NKD1: variants seen among roughly 807,000 people sequenced by gnomAD.
NKD1 encodes NKD inhibitor of Wnt signaling pathway 1, also known as protein naked cuticle homolog 1.
In NKD1, 21 loss-of-function variants were observed where a neutral mutation model predicts 56.0. The observed-to-expected ratio is 0.38, with a 90% confidence interval of 0.27 to 0.54. NKD1 has a LOEUF of 0.54. Among genes scored for constraint, NKD1 ranks in the 20% least tolerant of loss-of-function variants. The pLI is 0.82. For missense variants in NKD1, 578 were observed against 642.7 expected (o/e 0.90, Z 1.09); for synonymous variants, 263 against 265.7 (o/e 0.99, Z 0.10).
Position 50,640,937 on chromosome 16 carries a change from A to G in NKD1, c.*7156A>G, listed in dbSNP as rs1273338903. On this transcript the variant is annotated 3_prime_UTR_variant, in exon 10 of 10. Transcript: ENST00000268459. The stretch of plus-strand genomic sequence containing the variant: ...AGTTTGGTCAGCCACACATTGTAGT[A>G]GGGCTAGAATTTTTCTTCCCATTTT... 1.3e-5 allele frequency: 2 copies of G among 152,176 alleles called. No homozygotes were observed. The highest frequency in any genetic ancestry group is 6.5e-5 in the Admixed American group (1 of 15,284). The allele number at this position is 152,176 out of a possible 1,614,324, so 9.4% of individuals were successfully genotyped here.
At chr16:50,580,957 A>G (rs1460862963) in intron 3 of NKD1, among the ~76,000 whole-genome samples, 1 of 152,232 alleles carries the variant, frequency 6.6e-6, no homozygotes, top group African/African-American at 2.4e-5. Context: ...ATAGGAAACA[A>G]TTGCTATCAA....
At chr16:50,626,905 A>C (rs952155640) in intron 6 of NKD1, among the ~76,000 whole-genome samples, 1 of 152,132 alleles carries the variant, frequency 6.6e-6, no homozygotes. Flanking sequence ...CCAGAGAGAC[A>C]CTAAAGCTTT....
intron 4 of NKD1, 150 bp from the exon 5 acceptor site, chr16:50,621,452 T>G: frequency 1.7e-6 from 1 of 583,298 alleles, no homozygotes; most frequent in Non-Finnish European, 3.0e-6. Context: ...AGTAGTGTGA[T>G]GTTGACCCCA....
intron 3 of NKD1, among the ~76,000 whole-genome samples, chr16:50,577,367 CTTAA>C (rs1961014276): frequency 6.6e-6 from 1 of 152,042 alleles, no homozygotes; most frequent in Non-Finnish European, 1.5e-5. Flanking sequence ...CAAAGCTATG[CTTAA>C]TTAATATATA....
rs1962702895 is a variant in NKD1, at chr16:50,647,443, T to A, written c.*13662T>A. 1 of 152,114 alleles carries A rather than the reference T, an allele frequency of 6.6e-6. No homozygotes were observed. Among genetic ancestry groups the A allele is most frequent in the Non-Finnish European group, 1.5e-5 (1 of 68,030 alleles). The allele number at this position is 152,114 out of a possible 1,614,324, so 9.4% of individuals were successfully genotyped here. On this transcript the variant is annotated 3_prime_UTR_variant, in exon 10 of 10. Transcript: ENST00000268459. ...AGCCACCCAGCATCTGTACTTTAGT[T>A]ATTTGGTTTTTCTCAGGAGGAGATC...
At chr16:50,588,051 A>C (rs560204558) in intron 3 of NKD1, among the ~76,000 whole-genome samples, 4 of 152,188 alleles carry the variant, frequency 2.6e-5, no homozygotes, top group Non-Finnish European at 4.4e-5. Context: ...CCTAGTGCAG[A>C]TGTCCTCAGG....
chr16:50,603,576 G>A (rs1042008086), intron 3 of NKD1, among the ~76,000 whole-genome samples: 7 of 152,356 alleles, frequency 4.6e-5, no homozygotes, highest in Admixed American at 2.0e-4. Flanking sequence ...TTTGAAACCC[G>A]TGGCACCAAC....
rs139973173 is a variant in NKD1 at position 50,631,281 on chromosome 16, G to A, written c.695+371G>A. Reference sequence around the variant, plus strand: ...CCTTTAGGGTGGGCCTGGCTGCCACGTGGGTTATGAAAACTCTTAGTTTTC... The same window carrying A: ...CCTTTAGGGTGGGCCTGGCTGCCACATGGGTTATGAAAACTCTTAGTTTTC... On this transcript the variant is annotated intron_variant, in intron 8 of 9. Coordinates refer to ENST00000268459, the MANE Select transcript of NKD1 (RefSeq NM_033119.5). Among the ~76,000 whole-genome samples, 103 of 152,256 alleles carry A rather than the reference G, an allele frequency of 6.8e-4. 1 individual carries two copies. The highest frequency in any genetic ancestry group is 1.9e-3 in the African/African-American group (78 of 41,546).
Position 50,630,233 on chromosome 16 carries a change from T to C in NKD1, c.510T>C (p.Ser170=). ...CCATCTATGAGGTGGTGGACTCCTCTGTCAACCACTCCCCAACATCCAGCA... is the reference window on the plus strand; with the variant it reads ...CCATCTATGAGGTGGTGGACTCCTCCGTCAACCACTCCCCAACATCCAGCA... ...LHTIYEVVDS[S]VNHSPTSSKM... is the part of the protein sequence containing the mutation. Residue 170 remains serine (S), a synonymous_variant, in exon 7 of 10, where the codon TCT becomes TCC. Transcript: ENST00000268459. 6.2e-7 allele frequency: 1 copy of C among 1,613,878 alleles called. No individual in the cohort carries two copies. Among genetic ancestry groups the C allele is most frequent in the Non-Finnish European group, 8.5e-7 (1 of 1,179,764 alleles).
chr16:50,612,082 G>A (rs1961860010), intron 4 of NKD1, among the ~76,000 whole-genome samples: 1 of 152,212 alleles, frequency 6.6e-6, no homozygotes, highest in South Asian at 2.1e-4. Flanking sequence ...AGTAGGGTCT[G>A]GCATGCTGTA....
rs1045115879 is a variant in NKD1 at position 50,548,722 on chromosome 16, G to A, written c.31G>A (p.Val11Met). The A allele has an allele frequency of 2.8e-6, 4 of 1,453,186 alleles. No individual in the cohort carries two copies. Among genetic ancestry groups the A allele is most frequent in the Non-Finnish European group, 3.6e-6 (4 of 1,112,324 alleles). 90.0% of individuals were successfully genotyped at this position (1,453,186 alleles called of 1,614,324 possible). A position where few individuals can be genotyped will look rare whatever the true frequency, so the allele number is the denominator to read the frequency against. Residue 11 changes from valine (V) to methionine (M), a missense_variant, in exon 2 of 10, where the codon GTG (valine) becomes ATG (methionine). Coordinates refer to ENST00000268459, the MANE Select transcript of NKD1 (RefSeq NM_033119.5). MGKLHSKPAA[V>M]CKRRESPEGD... ...GCCTCGCGATGTGCCTGCAGCCGCCGTGTGCAAGCGCAGGGAGAGCCCGGA... is the reference window on the plus strand; with the variant it reads ...GCCTCGCGATGTGCCTGCAGCCGCCATGTGCAAGCGCAGGGAGAGCCCGGA...
At position 50,598,696 on chromosome 16, in the gene NKD1, A is replaced by G. The variant is rs1961529935; in HGVS notation, c.193-9598A>G. ...CACAGGCCCTCGGGCCTCTCCTCTT[A>G]TCAGCACTCGGCTGTGTGGCGTGGC... On this transcript the variant is annotated intron_variant, in intron 3 of 9. Coordinates refer to ENST00000268459, the MANE Select transcript of NKD1 (RefSeq NM_033119.5). This position sits in a 1 kb window ranked among gnomAD's most constrained non-coding sequence, Gnocchi z 4.2. 6.6e-6 allele frequency among the ~76,000 whole-genome samples: 1 copy of G among 152,138 alleles called. No individual in the cohort carries two copies. Among genetic ancestry groups the G allele is most frequent in the Non-Finnish European group, 1.5e-5 (1 of 68,034 alleles).
chr16:50,603,094 CACCATCCTAGGCATGT>C (rs1961632771), intron 3 of NKD1, among the ~76,000 whole-genome samples: 10 of 152,246 alleles, frequency 6.6e-5, no homozygotes, highest in Admixed American at 5.9e-4. Flanking sequence ...TCGCATCAGA[CACCATCCTAGGCATGT>C]TGTCTATGTT....
In NKD1 at chr16:50,633,939, A is replaced by G. The variant is rs1261613176; in HGVS notation, c.*158A>G. The stretch of plus-strand genomic sequence containing the variant: ...TAGCTAGCCTACATGTAGAAGATCT[A>G]TGGAAACACAGAACTAAACTTTTAT... On this transcript the variant is annotated 3_prime_UTR_variant, in exon 10 of 10. Coordinates refer to ENST00000268459, the MANE Select transcript of NKD1 (RefSeq NM_033119.5). The surrounding 1 kb of genome is among the most constrained non-coding windows in gnomAD (Gnocchi z 4.9). 5 of 524,238 alleles carry G rather than the reference A, an allele frequency of 9.5e-6. No homozygotes were observed. Among genetic ancestry groups the G allele is most frequent in the Admixed American group, 7.5e-5 (2 of 26,530 alleles). 32.5% of individuals were successfully genotyped at this position (524,238 alleles called of 1,614,324 possible). A position where few individuals can be genotyped will look rare whatever the true frequency, so the allele number is the denominator to read the frequency against.
intron 3 of NKD1, chr16:50,606,422 C>G (rs1171652823): frequency 3.2e-5 from 8 of 249,590 alleles, no homozygotes; most frequent in Non-Finnish European, 6.5e-5. Context: ...GGGGAGCTTT[C>G]CAGTGTTCTC....
In NKD1 at chr16:50,630,322, T is replaced by C. The variant is rs1962316008; in HGVS notation, c.599T>C (p.Val200Ala). 1.9e-6 allele frequency: 3 copies of C among 1,614,102 alleles called. No homozygotes were observed. The highest frequency in any genetic ancestry group is 2.5e-6 in the Non-Finnish European group (3 of 1,179,998). ...DGSQSKRSVLVNQADLQSARP... is the reference protein window; with the variant it reads ...DGSQSKRSVLANQADLQSARP... ...AGCCAGAGCAAGAGGAGCGTCCTTG[T>C]CAATCAGGCTGGTGAGGGCTGCAGG... The change falls in exon 7 of 10, where the codon GTC becomes GCC. Residue 200 changes from valine to alanine, a missense_variant. Transcript: ENST00000268459.
Position 50,598,372 on chromosome 16 carries a change from G to A in NKD1, c.193-9922G>A, listed in dbSNP as rs1405042029. 6.6e-6 allele frequency among the ~76,000 whole-genome samples: 1 copy of A among 152,122 alleles called. No individual in the cohort carries two copies. The highest frequency in any genetic ancestry group is 1.9e-4 in the East Asian group (1 of 5,180). On this transcript the variant is annotated intron_variant, in intron 3 of 9. Transcript: ENST00000268459. The surrounding 1 kb of genome is among the most constrained non-coding windows in gnomAD (Gnocchi z 4.2). ...ATCTGTTTCGTTTAGGTTCAGAAAAGCAAGAAGCTCAAGCCCTTCATTCCT... is the reference window on the plus strand; with the variant it reads ...ATCTGTTTCGTTTAGGTTCAGAAAAACAAGAAGCTCAAGCCCTTCATTCCT...
chr16:50,566,170 C>A (rs1197228338), intron 3 of NKD1: 42 of 985,172 alleles, frequency 4.3e-5, no homozygotes, highest in Non-Finnish European at 4.8e-5. Context: ...TCCGTTGGGA[C>A]CTTTTGGATT....
chr16:50,630,170 C>T lies in NKD1; in HGVS notation c.463-16C>T, dbSNP rs1047879339. On this transcript the variant is annotated splice_polypyrimidine_tract_variant and intron_variant, in intron 6 of 9. Coordinates refer to ENST00000268459, the MANE Select transcript of NKD1 (RefSeq NM_033119.5). ...GACTGAAACCCTGCATGGGTCTCCG[C>T]TTCCCTCCCATTCAGGACATCACCA... 6.2e-7 allele frequency: 1 copy of T among 1,612,804 alleles called. No homozygotes were observed. The highest frequency in any genetic ancestry group is 8.5e-7 in the Non-Finnish European group (1 of 1,179,214).
Sources: allele counts gnomAD v4.1 joint callset (sites outside exome capture counted in the v4.1 genomes callset), GRCh38; gene constraint gnomAD v4.1.1; non-coding constraint Gnocchi (gnomAD v3.1); transcripts MANE v1.5; gene names NCBI Gene and HGNC (gene_info 2026-07-23, HGNC 2026-07-21).